Variants in ARHGAP31 observed in about 807,000 individuals in gnomAD.
ARHGAP31 encodes the protein rho GTPase-activating protein 31.
ARHGAP31 carries 34 observed loss-of-function variants against 113.9 expected under a neutral mutation model. That is an observed-to-expected ratio of 0.30 (90% CI 0.23 to 0.40). ARHGAP31 has a LOEUF of 0.40. ARHGAP31 is among the 10% of genes least tolerant of loss of function. The pLI, the probability that ARHGAP31 is intolerant of heterozygous loss-of-function variation, is 1.00. For synonymous variants in ARHGAP31, 650 were observed against 684.8 expected (o/e 0.95, Z 0.79); for missense variants, 1,548 against 1,767.1 (o/e 0.88, Z 2.22).
rs2079538103 is a variant in ARHGAP31 at position 119,296,905 on chromosome 3, G to C, written c.100+1901G>C. Reference sequence around the variant, plus strand: ...AGGATCGGAGGGCCCTCCCTGGCCTGTTAGGTTCCTCTGCCCTCCCTGGCT... The same window carrying C: ...AGGATCGGAGGGCCCTCCCTGGCCTCTTAGGTTCCTCTGCCCTCCCTGGCT... On this transcript the variant is annotated intron_variant, in intron 1 of 11. Coordinates refer to ENST00000264245, the MANE Select transcript of ARHGAP31 (RefSeq NM_020754.4). Among the ~76,000 whole-genome samples the C allele has an allele frequency of 2.0e-5, 3 of 152,292 alleles. No individual in the cohort carries two copies. The South Asian group carries it at 6.2e-4, about 32-fold the overall frequency.
rs2080698668 is a variant in ARHGAP31, at chr3:119,409,682, T to C, written c.1832T>C (p.Val611Ala). ...ELEKRPNPEK[V>A]VEEGREAGEM... Reference sequence around the variant, plus strand: ...GAGAAGAGGCCAAATCCGGAGAAGGTGGTGGAGGAGGGACGAGAGGCTGGT... The same window carrying C: ...GAGAAGAGGCCAAATCCGGAGAAGGCGGTGGAGGAGGGACGAGAGGCTGGT... The change falls in exon 11 of 12, where the codon GTG becomes GCG. Residue 611 changes from valine (V) to alanine (A), a missense_variant. Val to Ala is a moderately conservative substitution (Grantham distance 64). Transcript: ENST00000264245. 2 of 1,610,582 alleles carry C rather than the reference T, an allele frequency of 1.2e-6. No individual in the cohort carries two copies. The highest frequency in any genetic ancestry group is 2.7e-5 in the African/African-American group (2 of 74,584).
intron 10 of ARHGAP31, among the ~76,000 whole-genome samples, chr3:119,406,200 G>A (rs1333107720): frequency 1.3e-5 from 2 of 152,070 alleles, no homozygotes; most frequent in East Asian, 1.9e-4. Flanking sequence ...TGAGTGATAG[G>A]TACAAACTCA....
In ARHGAP31 at chr3:119,415,687, C is replaced by T; in HGVS notation, c.3758C>T (p.Ser1253Phe). 1 of 1,614,102 alleles carries T rather than the reference C, an allele frequency of 6.2e-7. No individual in the cohort carries two copies. The highest frequency in any genetic ancestry group is 8.5e-7 in the Non-Finnish European group (1 of 1,180,002). Reference sequence around the variant, plus strand: ...AAACCTGCCAAAGATGATTCTCCCTCCTCCCTGGAAAGCTCAAAGGAAGAA... The same window carrying T: ...AAACCTGCCAAAGATGATTCTCCCTTCTCCCTGGAAAGCTCAAAGGAAGAA... Reference protein sequence around the residue: ...TQKPAKDDSPSSLESSKEEKP... With the variant: ...TQKPAKDDSPFSLESSKEEKP... Residue 1253 changes from serine to phenylalanine, a missense_variant, in exon 12 of 12, where the codon TCC becomes TTC. Transcript: ENST00000264245.
intron 8 of ARHGAP31, among the ~76,000 whole-genome samples, chr3:119,396,744 A>G (rs1228268749): frequency 6.6e-6 from 1 of 152,236 alleles, no homozygotes; most frequent in Non-Finnish European, 1.5e-5. Flanking sequence ...TTAATTCACT[A>G]TGAATAGTAT....
chr3:119,335,207 A>G (rs983653385), intron 1 of ARHGAP31, among the ~76,000 whole-genome samples: 1 of 152,218 alleles, frequency 6.6e-6, no homozygotes, highest in African/African-American at 2.4e-5. Flanking sequence ...AGCAGAAGCC[A>G]TAGATTTCTA....
intron 2 of ARHGAP31, 146 bp downstream of exon 2, chr3:119,365,564 A>T: frequency 1.3e-6 from 1 of 742,544 alleles, no homozygotes; most frequent in African/African-American, 1.7e-5. Flanking sequence ...TGGTTTTCAG[A>T]TGCCTGACTG....
chr3:119,393,681 T>A, intron 8 of ARHGAP31, 90 bp downstream of exon 8: 2 of 1,494,172 alleles, frequency 1.3e-6, no homozygotes, highest in South Asian at 1.2e-5. Flanking sequence ...TCAAACACAC[T>A]AGCTCTGAAA....
At chr3:119,302,258 A>G (rs1200797591) in intron 1 of ARHGAP31, among the ~76,000 whole-genome samples, 2 of 152,126 alleles carry the variant, frequency 1.3e-5, no homozygotes, top group African/African-American at 2.4e-5. Context: ...TCTAGATAGC[A>G]CTCTCTGTCT....
intron 6 of ARHGAP31, 101 bp downstream of exon 6, chr3:119,383,327 T>C: frequency 6.8e-7 from 1 of 1,476,644 alleles, no homozygotes; most frequent in Non-Finnish European, 9.4e-7. Flanking sequence ...GTTCTAGCTC[T>C]GAGTGTTGGC....
chr3:119,407,247 T>C (rs1299191182), intron 10 of ARHGAP31, among the ~76,000 whole-genome samples: 1 of 151,090 alleles, frequency 6.6e-6, no homozygotes, highest in Non-Finnish European at 1.5e-5. Context: ...CTAGGGAAGT[T>C]GAGGCAGGAG....
chr3:119,337,023 T>C (rs2079957656), intron 1 of ARHGAP31, among the ~76,000 whole-genome samples: 1 of 152,252 alleles, frequency 6.6e-6, no homozygotes, highest in African/African-American at 2.4e-5. Flanking sequence ...TTCTATTCTA[T>C]GGATATACCA....
chr3:119,298,721 G>T, intron 1 of ARHGAP31: 1 of 157,604 alleles, frequency 6.3e-6, no homozygotes, highest in Non-Finnish European at 1.4e-5. Context: ...GCCACGTGCA[G>T]CCTGTTCGCT....
At chr3:119,370,269 T>C (rs772041951) in intron 3 of ARHGAP31, among the ~76,000 whole-genome samples, 1 of 152,170 alleles carries the variant, frequency 6.6e-6, no homozygotes, top group Middle Eastern at 3.2e-3. Flanking sequence ...TTAAGAGTAA[T>C]CCTATTTAAT....
chr3:119,365,466 G>A, intron 2 of ARHGAP31, 48 bp downstream of exon 2: 3 of 1,502,516 alleles, frequency 2.0e-6, no homozygotes, highest in Non-Finnish European at 1.8e-6. Flanking sequence ...GATTCCTCCT[G>A]TGTCCATGCC....
At chr3:119,302,515 T>TG (rs911204697) in intron 1 of ARHGAP31, among the ~76,000 whole-genome samples, 1 of 152,126 alleles carries the variant, frequency 6.6e-6, no homozygotes, top group African/African-American at 2.4e-5. Context: ...CATCAGGCCT[T>TG]GTTGTTATTT....
chr3:119,379,827 A>G (rs962520389), intron 3 of ARHGAP31, among the ~76,000 whole-genome samples: 1 of 152,198 alleles, frequency 6.6e-6, no homozygotes, highest in African/African-American at 2.4e-5. Flanking sequence ...ATTATATCTC[A>G]GTGAAAAAGG....
At chr3:119,380,453 T>C (rs762898179) in intron 3 of ARHGAP31, among the ~76,000 whole-genome samples, 11 of 152,116 alleles carry the variant, frequency 7.2e-5, no homozygotes, top group Non-Finnish European at 1.2e-4. Flanking sequence ...GGTTGCACTA[T>C]GTCGCTAGAC....
chr3:119,332,627 TCTCTCTCTCACACACACA>T (rs1346738834), intron 1 of ARHGAP31, among the ~76,000 whole-genome samples: 16 of 121,414 alleles, frequency 1.3e-4, no homozygotes, highest in Admixed American at 6.8e-4. Flanking sequence ...TCTCTCTCTC[TCTCTCTCTCACACACACA>T]CACACACACA....
chr3:119,400,741 C>G (rs1420063936), intron 9 of ARHGAP31, among the ~76,000 whole-genome samples: 1 of 152,128 alleles, frequency 6.6e-6, no homozygotes, highest in Non-Finnish European at 1.5e-5. Flanking sequence ...TTTAAGCATA[C>G]AGTTATGTAA....
Sources: allele counts gnomAD v4.1 joint callset (sites outside exome capture counted in the v4.1 genomes callset), GRCh38; gene constraint gnomAD v4.1.1; transcripts MANE v1.5; gene names NCBI Gene and HGNC (gene_info 2026-07-23, HGNC 2026-07-21).